Variants in BRWD3 observed in about 807,000 individuals in gnomAD.
BRWD3 encodes the protein bromodomain and WD repeat-containing protein 3.
In BRWD3, 10 loss-of-function variants were observed where a neutral mutation model predicts 149.7. The observed-to-expected ratio is 0.07, with a 90% CI of 0.04 to 0.11. BRWD3 has a LOEUF of 0.11. Among genes scored for constraint, BRWD3 ranks in the 10% least tolerant of loss-of-function variants. The pLI is 1.00. For synonymous variants in BRWD3, 504 were observed against 456.7 expected, an observed-to-expected ratio of 1.10 and a Z score of -1.32; for missense variants, 940 against 1,373.2, an observed-to-expected ratio of 0.68 and a Z score of 4.99.
intron 17 of BRWD3, among the ~76,000 whole-genome samples, chrX:80,722,336 G>A (rs1315500465): frequency 9.0e-6 from 1 of 111,630 alleles, no homozygotes; most frequent in Non-Finnish European, 1.9e-5. Flanking sequence ...TACATTATCT[G>A]CTTGATGCTT....
intron 6 of BRWD3, among the ~76,000 whole-genome samples, chrX:80,760,070 A>C (rs192217788): frequency 8.9e-6 from 1 of 112,140 alleles, no homozygotes; most frequent in East Asian, 2.8e-4. Flanking sequence ...TCAAGTTTCT[A>C]TAACTCTTCA....
intron 25 of BRWD3, among the ~76,000 whole-genome samples, chrX:80,697,956 C>A: frequency 8.9e-6 from 1 of 112,355 alleles, no homozygotes; most frequent in Middle Eastern, 4.6e-3. Flanking sequence ...TTCTCCACAA[C>A]CTCACAAGCA....
chrX:80,771,435 G>C, intron 6 of BRWD3, among the ~76,000 whole-genome samples: 1 of 111,428 alleles, frequency 9.0e-6, no homozygotes, highest in Non-Finnish European at 1.9e-5. Context: ...AGAGCCCTCA[G>C]AAATAACACC....
intron 25 of BRWD3, among the ~76,000 whole-genome samples, chrX:80,699,196 C>CA (rs2072745112): frequency 9.0e-6 from 1 of 111,139 alleles, no homozygotes; most frequent in African/African-American, 3.3e-5. Context: ...GCCTGGGCAA[C>CA]AGAGCGAGAC....
At position 80,704,571 on chromosome X, in the gene BRWD3, T is replaced by A. The variant is rs1213679577; in HGVS notation, c.2721+107A>T. ...AACTACTTTTACTTACTTTCTCAGATGAAATGTTATTTTTAGAGAAAAGTC... is the reference window on the plus strand; with the variant it reads ...AACTACTTTTACTTACTTTCTCAGAAGAAATGTTATTTTTAGAGAAAAGTC... On this transcript the variant is annotated intron_variant, in intron 23 of 40. Transcript: ENST00000373275. 11 of 802,677 alleles carry A rather than the reference T, an allele frequency of 1.4e-5. No individual in the cohort carries two copies. The Admixed American group carries it at 1.7e-4, about 13-fold the overall frequency. 66.1% of individuals were successfully genotyped at this position (802,677 alleles called of 1,213,427 possible).
chrX:80,808,682 T>A, intron 3 of BRWD3, 84 bp from the exon 4 acceptor site: 1 of 839,964 alleles, frequency 1.2e-6, no homozygotes, highest in Non-Finnish European at 1.7e-6. Context: ...GGACCCAACC[T>A]GTGTCCCAGT....
chrX:80,688,156 G>A (rs775405777), intron 33 of BRWD3, 31 bp from the exon 34 acceptor site: 12 of 1,072,419 alleles, frequency 1.1e-5, no homozygotes, highest in East Asian at 6.0e-5. Flanking sequence ...GGGAAAAGAC[G>A]TTAAGTTACA....
intron 20 of BRWD3, among the ~76,000 whole-genome samples, chrX:80,714,314 G>A (rs1395858221): frequency 9.7e-6 from 1 of 102,685 alleles, no homozygotes; most frequent in Non-Finnish European, 2.0e-5. Flanking sequence ...TGCAACCTTG[G>A]CCTCCAAGGT....
chrX:80,718,525 T>A (rs1323033307), intron 18 of BRWD3, among the ~76,000 whole-genome samples: 1 of 112,072 alleles, frequency 8.9e-6, no homozygotes. Context: ...GAAAGTTTTA[T>A]GTCTCAGGAA....
intron 24 of BRWD3, among the ~76,000 whole-genome samples, chrX:80,700,441 T>TATATATATATATATATATATAA (rs1269965985): frequency 1.0e-5 from 1 of 96,026 alleles, no homozygotes; most frequent in African/African-American, 3.7e-5. Context: ...TTGATATATA[T>TATATATATATATATATATATAA]AACAATACAA....
At chrX:80,803,101 C>CAAAAAA (rs61306754) in intron 4 of BRWD3, among the ~76,000 whole-genome samples, 4 of 24,048 alleles carry the variant, frequency 1.7e-4, no homozygotes, top group Admixed American at 6.3e-4. Flanking sequence ...GACTCCATCT[C>CAAAAAA]AAAAAAAAAA....
intron 6 of BRWD3, among the ~76,000 whole-genome samples, chrX:80,777,679 C>G (rs184027872): frequency 9.0e-6 from 1 of 111,706 alleles, no homozygotes; most frequent in Non-Finnish European, 1.9e-5. Context: ...ATTACAGGCA[C>G]GAGCCACCAT....
rs1434704918 is a variant in BRWD3 at position 80,704,820 on chromosome X, C to A, written c.2579G>T (p.Trp860Leu). 3 of 1,209,775 alleles carry A rather than the reference C, an allele frequency of 2.5e-6. No homozygotes were observed. The highest frequency in any genetic ancestry group is 3.4e-6 in the Non-Finnish European group (3 of 893,959). Residue 860 changes from tryptophan (W) to leucine (L), a missense_variant, in exon 23 of 41, where the codon TGG becomes TTG. Trp to Leu is a moderately conservative substitution (Grantham distance 61). Around this residue, in one of 6 missense-constraint regions of BRWD3, gnomAD observed 158 missense variants for 284.0 expected, o/e 0.56. Coordinates refer to ENST00000373275, the MANE Select transcript of BRWD3 (RefSeq NM_153252.5). ...TAAATTTATTCCAGCATCTGCTGTC[C>A]AATCAGAATATTCACTTGATGAGTC... The part of the protein sequence containing the change: ...SSDSSSEYSD[W>L]TADAGINLQP...
At chrX:80,757,097 T>C (rs1399487575) in intron 6 of BRWD3, among the ~76,000 whole-genome samples, 2 of 112,077 alleles carry the variant, frequency 1.8e-5, no homozygotes, top group African/African-American at 6.5e-5. Context: ...TTCTCACTGT[T>C]AAACTTCAAA....
At chrX:80,802,268 T>A (rs1485355706) in intron 4 of BRWD3, among the ~76,000 whole-genome samples, 1 of 108,637 alleles carries the variant, frequency 9.2e-6, no homozygotes, top group Non-Finnish European at 1.9e-5. Flanking sequence ...ACGGTGAAAC[T>A]CCACCTCTAC....
At chrX:80,771,487 A>G (rs1255394758) in intron 6 of BRWD3, among the ~76,000 whole-genome samples, 2 of 112,010 alleles carry the variant, frequency 1.8e-5, no homozygotes, top group African/African-American at 6.5e-5. Flanking sequence ...TCTGACAAAA[A>G]CATGAGATGG....
chrX:80,711,959 C>T (rs1411498589), intron 20 of BRWD3, among the ~76,000 whole-genome samples: 4 of 111,903 alleles, frequency 3.6e-5, no homozygotes, highest in Non-Finnish European at 5.6e-5. Context: ...TGCATCCAGT[C>T]ACTGGTCACT....
intron 6 of BRWD3, among the ~76,000 whole-genome samples, chrX:80,762,363 G>C (rs750258906): frequency 8.9e-6 from 1 of 112,026 alleles, no homozygotes; most frequent in African/African-American, 3.2e-5. Flanking sequence ...ATAAGTGACA[G>C]AGAAGGGGCA....
intron 14 of BRWD3, 104 bp from the exon 15 acceptor site, chrX:80,725,171 G>A (rs2073199401): frequency 1.1e-6 from 1 of 883,570 alleles, no homozygotes; most frequent in South Asian, 2.1e-5. Flanking sequence ...ATGAATTTAT[G>A]CAGAATAATT....
Sources: allele counts gnomAD v4.1 joint callset (sites outside exome capture counted in the v4.1 genomes callset), GRCh38; gene constraint gnomAD v4.1.1; regional missense constraint gnomAD v4.1.1; transcripts MANE v1.5; gene names NCBI Gene and HGNC (gene_info 2026-07-23, HGNC 2026-07-21).